Variants in CYTH4 observed in about 807,000 individuals in gnomAD.
The protein encoded by CYTH4 is cytohesin-4.
A neutral mutation model predicts 57.5 loss-of-function variants in CYTH4; 22 were observed. The ratio of observed to expected loss-of-function variants is 0.38; its 90% CI spans 0.27 to 0.55. CYTH4 has a LOEUF of 0.55. Among genes scored for constraint, CYTH4 ranks in the 20% least tolerant of loss-of-function variants. CYTH4 has a pLI of 0.74. For missense variants in CYTH4, 420 were observed against 535.6 expected, an observed-to-expected ratio of 0.78 and a Z score of 2.13; for synonymous variants, 186 against 206.5, an observed-to-expected ratio of 0.90 and a Z score of 0.85.
intron 12 of CYTH4, among the ~76,000 whole-genome samples, chr22:37,313,175 G>T (rs1040500042): frequency 6.6e-6 from 1 of 152,262 alleles, no homozygotes; most frequent in Non-Finnish European, 1.5e-5. Flanking sequence ...GGGGCCCAGA[G>T]ACATTTGGGA....
intron 8 of CYTH4, among the ~76,000 whole-genome samples, chr22:37,307,543 A>AGCCCACCCCTGACTCTG: frequency 6.6e-6 from 1 of 151,936 alleles, no homozygotes; most frequent in East Asian, 1.9e-4. Context: ...AGCCACTCCC[A>AGCCCACCCCTGACTCTG]GCCCACCCCT....
intron 1 of CYTH4, among the ~76,000 whole-genome samples, chr22:37,285,740 T>C (rs1328674292): frequency 1.3e-4 from 20 of 151,408 alleles, no homozygotes; most frequent in Admixed American, 1.3e-3. Flanking sequence ...CAAAAAAACA[T>C]ATCCCATGAG....
chr22:37,287,494 G>A (rs1928598553), intron 1 of CYTH4, among the ~76,000 whole-genome samples: 1 of 152,212 alleles, frequency 6.6e-6, no homozygotes, highest in South Asian at 2.1e-4. Context: ...GAATCGGATT[G>A]TTCACCTCCA....
chr22:37,292,489 T>A, intron 1 of CYTH4, 132 bp from the exon 2 acceptor site: 1 of 835,988 alleles, frequency 1.2e-6, no homozygotes, highest in Non-Finnish European at 1.9e-6. Context: ...CAGGGGAGGC[T>A]TCCTGGAGGA....
intron 1 of CYTH4, among the ~76,000 whole-genome samples, chr22:37,283,122 C>A (rs953110100): frequency 1.3e-5 from 2 of 152,122 alleles, no homozygotes; most frequent in Non-Finnish European, 2.9e-5. Flanking sequence ...GATACAAGGG[C>A]CTTGAGGCCC....
chr22:37,285,808 G>C (rs1928536454), intron 1 of CYTH4, among the ~76,000 whole-genome samples: 1 of 152,200 alleles, frequency 6.6e-6, no homozygotes, highest in Non-Finnish European at 1.5e-5. Flanking sequence ...TTAACAAATA[G>C]AGGAAGGGTC....
At chr22:37,305,332 G>A (rs6000657) in intron 8 of CYTH4, among the ~76,000 whole-genome samples, 8,130 of 152,192 alleles carry the variant, frequency 0.053, 240 homozygotes, top group African/African-American at 0.076. Context: ...AAATCTGCCC[G>A]GGAGGTTTAG....
chr22:37,306,415 C>T (rs1249673085), intron 8 of CYTH4, among the ~76,000 whole-genome samples: 2 of 152,192 alleles, frequency 1.3e-5, no homozygotes, highest in Non-Finnish European at 2.9e-5. Flanking sequence ...TAAGTCATCC[C>T]GTCCCCAGTT....
At position 37,295,409 on chromosome 22, in the gene CYTH4, A is replaced by C. The variant is rs1045394253; in HGVS notation, c.168-590A>C. ...ACACACACGCATGCACACACACACA[A>C]GCATGCACACACACACAAGCATGCA... On this transcript the variant is annotated intron_variant, in intron 3 of 12. Coordinates refer to ENST00000248901, the MANE Select transcript of CYTH4 (RefSeq NM_013385.5). This position sits in a 1 kb window ranked among gnomAD's most constrained non-coding sequence, Gnocchi z 4.1. Among the ~76,000 whole-genome samples the C allele has an allele frequency of 5.8e-5, 8 of 138,868 alleles. No homozygotes were observed. The highest frequency in any genetic ancestry group is 2.0e-4 in the East Asian group (1 of 5,068). The allele number at this position is 138,868 out of a possible 152,430, so 91.1% of individuals were successfully genotyped here.
chr22:37,300,255 C>A (rs954440413), intron 6 of CYTH4: 1 of 716,734 alleles, frequency 1.4e-6, no homozygotes, highest in East Asian at 2.7e-5. Context: ...TAACTCCCAG[C>A]TCTTTAAGGG....
At position 37,296,234 on chromosome 22, in the gene CYTH4, C is replaced by T. The variant is rs552890833; in HGVS notation, c.234+169C>T. On this transcript the variant is annotated intron_variant, in intron 4 of 12. Transcript: ENST00000248901. ...TGCCCCATGGCCAGCTGTGGCTGGG[C>T]GCCCTGTCTACTCCCAGGCATACAC... The T allele has an allele frequency of 1.1e-4, 82 of 713,110 alleles. No individual in the cohort carries two copies. In the East Asian group the frequency reaches 1.4e-3, roughly 13 times the overall value. The allele number at this position is 713,110 out of a possible 1,614,324, so 44.2% of individuals were successfully genotyped here.
chr22:37,303,839 A>G (rs1929289581), intron 8 of CYTH4, among the ~76,000 whole-genome samples: 1 of 152,208 alleles, frequency 6.6e-6, no homozygotes, highest in Non-Finnish European at 1.5e-5. Context: ...GAGGTCTTCC[A>G]CAAGGCCCTA....
intron 2 of CYTH4, among the ~76,000 whole-genome samples, chr22:37,293,821 A>G (rs1928837212): frequency 6.6e-6 from 1 of 152,004 alleles, no homozygotes. Context: ...GGTCAAGATG[A>G]AATGGGCTTG....
chr22:37,305,970 G>A (rs1929379814), intron 8 of CYTH4, among the ~76,000 whole-genome samples: 1 of 152,206 alleles, frequency 6.6e-6, no homozygotes, highest in Admixed American at 6.5e-5. Flanking sequence ...AGCTCAGGGT[G>A]AAGGCACAGT....
In CYTH4 at chr22:37,312,156, A is replaced by T. The variant is rs1391252459; in HGVS notation, c.1094A>T (p.Gln365Leu). 1 of 1,614,216 alleles carries T rather than the reference A, an allele frequency of 6.2e-7. No homozygotes were observed. Among genetic ancestry groups the T allele is most frequent in the South Asian group, 1.1e-5 (1 of 91,088 alleles). Residue 365 changes from glutamine to leucine, a missense_variant, in exon 12 of 13, where the codon CAG becomes CTG. Gln to Leu is a moderately radical substitution (Grantham distance 113). Coordinates refer to ENST00000248901, the MANE Select transcript of CYTH4 (RefSeq NM_013385.5). ...ISATSAEERD[Q>L]WIESIRASIT... The stretch of plus-strand genomic sequence containing the variant: ...GCCACCAGTGCCGAGGAACGTGACC[A>T]GTGGATCGAGTCCATCCGGTAAGGG...
In CYTH4 at chr22:37,297,674, G is replaced by A; in HGVS notation, c.345G>A (p.Leu115=). The change falls in exon 5 of 13, where the codon CTG becomes CTA. Residue 115 remains leucine, a synonymous_variant. Coordinates refer to ENST00000248901, the MANE Select transcript of CYTH4 (RefSeq NM_013385.5). ...GLNKTAIGTY[L]GERDPINLQV... is the part of the protein sequence containing the mutation. ...ACAAGACAGCCATTGGTACCTACCTGGGGGAGAGGTAAGAACGAGTGGAGC... is the reference window on the plus strand; with the variant it reads ...ACAAGACAGCCATTGGTACCTACCTAGGGGAGAGGTAAGAACGAGTGGAGC... The A allele has an allele frequency of 6.2e-7, 1 of 1,613,372 alleles. No homozygotes were observed. The highest frequency in any genetic ancestry group is 1.1e-5 in the South Asian group (1 of 91,052).
At chr22:37,289,892 A>T (rs1928690853) in intron 1 of CYTH4, among the ~76,000 whole-genome samples, 1 of 152,204 alleles carries the variant, frequency 6.6e-6, no homozygotes, top group Non-Finnish European at 1.5e-5. Context: ...GTGCTTGGGT[A>T]TGTGATGAGG....
chr22:37,291,502 G>A (rs902806258), intron 1 of CYTH4, among the ~76,000 whole-genome samples: 3 of 152,220 alleles, frequency 2.0e-5, no homozygotes, highest in African/African-American at 4.8e-5. Flanking sequence ...ATTTGGGCAG[G>A]CAGACAGGAG....
intron 9 of CYTH4, among the ~76,000 whole-genome samples, 162 bp from the exon 10 acceptor site, chr22:37,310,823 CTTG>C (rs1156712504): frequency 6.6e-6 from 1 of 152,106 alleles, no homozygotes; most frequent in East Asian, 1.9e-4. Flanking sequence ...CACTAAGGTT[CTTG>C]TTTGAGAAAG....
Sources: gnomAD v4.1 joint callset for allele counts (sites outside exome capture counted in the v4.1 genomes callset) on GRCh38, gnomAD v4.1.1 for gene constraint, Gnocchi (gnomAD v3.1) non-coding constraint, MANE v1.5 for transcripts, NCBI Gene and HGNC (gene_info 2026-07-23, HGNC 2026-07-21) for gene names.